IGSF21: variants seen among roughly 807,000 people sequenced by gnomAD.
IGSF21 encodes the protein immunoglobulin superfamily member 21.
In IGSF21, 28 loss-of-function variants were observed where a neutral mutation model predicts 46.8. That is an observed-to-expected ratio of 0.60 (90% CI 0.44 to 0.82). The LOEUF is 0.82. IGSF21 is among the 40% of genes least tolerant of loss of function. The pLI is 0.00. For missense variants in IGSF21, 624 were observed against 665.5 expected, an observed-to-expected ratio of 0.94 and a Z score of 0.69; for synonymous variants, 284 against 273.6, an observed-to-expected ratio of 1.04 and a Z score of -0.38.
chr1:18,368,917 C>A lies in IGSF21; in HGVS notation c.1015+3220C>A, dbSNP rs142347223. 9.2e-4 allele frequency among the ~76,000 whole-genome samples: 140 copies of A among 152,308 alleles called. 2 individuals carry two copies. The East Asian group carries it at 0.011, about 12-fold the overall frequency. On this transcript the variant is annotated intron_variant, in intron 6 of 9. Transcript: ENST00000251296. ...AGTGATGAGAGGGGGTGTGCCTCTG[C>A]TGGCCTGTGTGACCCCTATCAACAG...
intron 2 of IGSF21, among the ~76,000 whole-genome samples, chr1:18,259,100 G>A (rs962039758): frequency 1.3e-5 from 2 of 152,116 alleles, no homozygotes. Context: ...AAATAAAACA[G>A]TAAAAGGAGA....
At chr1:18,367,793 TG>T (rs1464499806) in intron 6 of IGSF21, among the ~76,000 whole-genome samples, 1 of 149,980 alleles carries the variant, frequency 6.7e-6, no homozygotes, top group East Asian at 2.0e-4. Flanking sequence ...TTAATAGAGG[TG>T]GGGTTTCACC....
At chr1:18,262,622 A>G (rs1321630993) in intron 2 of IGSF21, among the ~76,000 whole-genome samples, 2 of 152,216 alleles carry the variant, frequency 1.3e-5, no homozygotes, top group African/African-American at 4.8e-5. Context: ...CAGAAGCGGG[A>G]TGAGAGAGGT....
At chr1:18,215,918 ATTACT>A (rs893285618) in intron 1 of IGSF21, among the ~76,000 whole-genome samples, 8 of 152,116 alleles carry the variant, frequency 5.3e-5, no homozygotes, top group Non-Finnish European at 1.5e-5. Context: ...TGGTTCATTC[ATTACT>A]TTATTTGTGC....
chr1:18,304,708 T>TACACACACAAACACACACAC (rs2085394203), intron 3 of IGSF21, among the ~76,000 whole-genome samples: 4 of 63,270 alleles, frequency 6.3e-5, no homozygotes, highest in Non-Finnish European at 9.2e-5. Context: ...CACACACACA[T>TACACACACAAACACACACAC]ACACACACAC....
chr1:18,116,969 G>A (rs1557543973), intron 1 of IGSF21, among the ~76,000 whole-genome samples: 5 of 152,220 alleles, frequency 3.3e-5, no homozygotes, highest in Admixed American at 2.6e-4. Context: ...TGGTTGAGAA[G>A]CTGGGGAGGA....
chr1:18,123,832 G>A (rs937961661), intron 1 of IGSF21, among the ~76,000 whole-genome samples: 1 of 152,170 alleles, frequency 6.6e-6, no homozygotes, highest in African/African-American at 2.4e-5. Context: ...GGGGACACAG[G>A]GGACAGATGA....
chr1:18,329,859 G>A (rs995791133), intron 3 of IGSF21, among the ~76,000 whole-genome samples: 7 of 152,226 alleles, frequency 4.6e-5, no homozygotes, highest in East Asian at 1.9e-4. Context: ...AGTGCCCAGC[G>A]CTTGCATGGC....
chr1:18,355,830 T>A (rs1427505973), intron 4 of IGSF21, among the ~76,000 whole-genome samples: 1 of 10,354 alleles, frequency 9.7e-5, no homozygotes, highest in Non-Finnish European at 1.9e-4. Context: ...GTCTAGACTC[T>A]TTTTTTTTTT....
At chr1:18,138,684 C>T (rs992478891) in intron 1 of IGSF21, among the ~76,000 whole-genome samples, 5 of 152,188 alleles carry the variant, frequency 3.3e-5, no homozygotes, top group Admixed American at 2.6e-4. Flanking sequence ...CTCTCAGTGA[C>T]CTGCCCCACA....
At chr1:18,162,517 T>C (rs1265666594) in intron 1 of IGSF21, among the ~76,000 whole-genome samples, 5 of 152,204 alleles carry the variant, frequency 3.3e-5, no homozygotes, top group African/African-American at 9.6e-5. Context: ...AGTGATACAC[T>C]GATACCCTGC....
intron 1 of IGSF21, among the ~76,000 whole-genome samples, chr1:18,169,278 A>G (rs1340153386): frequency 1.3e-5 from 2 of 152,224 alleles, no homozygotes; most frequent in African/African-American, 4.8e-5. Context: ...ATCCAGTGTC[A>G]GGTCCTGAGG....
At chr1:18,192,842 A>G (rs1342529138) in intron 1 of IGSF21, among the ~76,000 whole-genome samples, 5 of 152,160 alleles carry the variant, frequency 3.3e-5, no homozygotes, top group African/African-American at 1.2e-4. Context: ...AATAAACGTG[A>G]ATATCCTTTG....
At chr1:18,204,844 TC>T (rs1362135028) in intron 1 of IGSF21, among the ~76,000 whole-genome samples, 2 of 152,202 alleles carry the variant, frequency 1.3e-5, no homozygotes, top group Non-Finnish European at 2.9e-5. Context: ...CATCCTGTCT[TC>T]CTGTTGGGCT....
intron 1 of IGSF21, among the ~76,000 whole-genome samples, chr1:18,167,350 G>C (rs182038172): frequency 6.6e-5 from 10 of 152,146 alleles, no homozygotes; most frequent in African/African-American, 2.4e-4. Context: ...AGATATGACC[G>C]GCCTTATTGT....
chr1:18,259,204 G>T (rs1404272200), intron 2 of IGSF21, among the ~76,000 whole-genome samples: 1 of 152,138 alleles, frequency 6.6e-6, no homozygotes, highest in African/African-American at 2.4e-5. Context: ...GTGGAACTTT[G>T]GGGCCAGGCC....
Position 18,377,447 on chromosome 1 carries a change from C to T in IGSF21, c.1333+16C>T. 8.7e-6 allele frequency: 14 copies of T among 1,610,986 alleles called. No individual in the cohort carries two copies. Among genetic ancestry groups the T allele is most frequent in the Non-Finnish European group, 1.1e-5 (13 of 1,177,188 alleles). On this transcript the variant is annotated intron_variant, in intron 9 of 9. Coordinates refer to ENST00000251296, the MANE Select transcript of IGSF21 (RefSeq NM_032880.5). ...GACTCTAATGGTAAGTCTCTACCCT[C>T]AGGATTTTTTGCTTAAAAGGGAGTG...
At chr1:18,332,050 C>T (rs554254273) in intron 3 of IGSF21, among the ~76,000 whole-genome samples, 7 of 152,262 alleles carry the variant, frequency 4.6e-5, no homozygotes, top group African/African-American at 7.2e-5. Context: ...GCAGCAATCC[C>T]GGTGTACCCC....
At chr1:18,213,828 CTCATCAGCCCAGGATCTG>C (rs2084416758) in intron 1 of IGSF21, among the ~76,000 whole-genome samples, 1 of 152,206 alleles carries the variant, frequency 6.6e-6, no homozygotes, top group Admixed American at 6.5e-5. Flanking sequence ...AGGAATCCCT[CTCATCAGCCCAGGATCTG>C]CTGCCTAAGG....
Sources: gnomAD v4.1 joint callset for allele counts (sites outside exome capture counted in the v4.1 genomes callset) on GRCh38, gnomAD v4.1.1 for gene constraint, MANE v1.5 for transcripts, NCBI Gene and HGNC (gene_info 2026-07-23, HGNC 2026-07-21) for gene names.